KPNB1: variants seen among roughly 807,000 people sequenced by gnomAD.
The protein encoded by KPNB1 is karyopherin subunit beta 1.
A neutral mutation model predicts 113.0 loss-of-function variants in KPNB1; 7 were observed. That is an observed-to-expected ratio of 0.06 (90% CI 0.04 to 0.12). The LOEUF (loss-of-function observed/expected upper bound fraction) is 0.12, where lower values mean the gene tolerates loss of function less well. Among genes scored for constraint, KPNB1 ranks in the 10% least tolerant of loss-of-function variants. KPNB1 has a pLI of 1.00. For synonymous variants in KPNB1, 363 were observed against 378.6 expected (o/e 0.96, Z 0.48); for missense variants, 400 against 1,054.8 (o/e 0.38, Z 8.60).
At position 47,671,497 on chromosome 17, in the gene KPNB1, C is replaced by T. The variant is rs376122822; in HGVS notation, c.1547+665C>T. 1.2e-3 allele frequency among the ~76,000 whole-genome samples: 178 copies of T among 151,980 alleles called. 3 individuals carry two copies. The South Asian group carries it at 0.025, about 22-fold the overall frequency. On this transcript the variant is annotated intron_variant, in intron 12 of 21. Coordinates refer to ENST00000290158, the MANE Select transcript of KPNB1 (RefSeq NM_002265.6). ...GTACTCATTATGAATTTGATTGCCA[C>T]ACCAAATCAATAACTACCATTTTTA... is the stretch of plus-strand genomic sequence containing the variant.
At chr17:47,675,361 G>GGTTTT (rs2030566469) in intron 15 of KPNB1, among the ~76,000 whole-genome samples, 2 of 88,692 alleles carry the variant, frequency 2.3e-5, no homozygotes. Context: ...CAGAGGTGTT[G>GGTTTT]TTTTTTTTTT....
chr17:47,666,874 C>T (rs1372607350), intron 9 of KPNB1, among the ~76,000 whole-genome samples: 1 of 151,982 alleles, frequency 6.6e-6, no homozygotes, highest in African/African-American at 2.4e-5. Context: ...ACCTCAGTCT[C>T]CCAAAGTGCT....
At chr17:47,672,075 A>G (rs2030465769) in intron 12 of KPNB1, among the ~76,000 whole-genome samples, 1 of 151,348 alleles carries the variant, frequency 6.6e-6, no homozygotes, top group South Asian at 2.1e-4. Flanking sequence ...GCAATTGTGC[A>G]ATCTTGGCTC....
At chr17:47,679,880 G>A (rs1597941432) in intron 19 of KPNB1, 140 bp from the exon 20 acceptor site, 1 of 588,166 alleles carries the variant, frequency 1.7e-6, no homozygotes, top group East Asian at 2.9e-5. Flanking sequence ...TGTATTTTTA[G>A]TAGAGACGGG....
chr17:47,660,844 G>T (rs963341345), intron 5 of KPNB1, among the ~76,000 whole-genome samples: 3 of 152,122 alleles, frequency 2.0e-5, no homozygotes, highest in African/African-American at 7.2e-5. Context: ...ACATTTTTCT[G>T]TTTCCTCCCT....
At position 47,684,384 on chromosome 17, in the gene KPNB1, G is replaced by A. The variant is rs921356209; in HGVS notation, c.*1980G>A. The A allele has an allele frequency of 2.0e-5, 3 of 151,740 alleles. No homozygotes were observed. Among genetic ancestry groups the A allele is most frequent in the African/African-American group, 7.3e-5 (3 of 41,274 alleles). 9.4% of individuals were successfully genotyped at this position (151,740 alleles called of 1,614,324 possible). A position where few individuals can be genotyped will look rare whatever the true frequency, so the allele number is the denominator to read the frequency against. On this transcript the variant is annotated 3_prime_UTR_variant, in exon 22 of 22. Coordinates refer to ENST00000290158, the MANE Select transcript of KPNB1 (RefSeq NM_002265.6). ...AAATCCAGGTATTTGAAGGAGAGACGCTCCATTGTGAATAAAGAGCTCATA... is the reference window on the plus strand; with the variant it reads ...AAATCCAGGTATTTGAAGGAGAGACACTCCATTGTGAATAAAGAGCTCATA...
intron 3 of KPNB1, among the ~76,000 whole-genome samples, chr17:47,654,322 G>A (rs937220542): frequency 4.6e-5 from 7 of 151,640 alleles, no homozygotes; most frequent in Admixed American, 3.9e-4. Context: ...GGCTTAGGCA[G>A]GAGAATTGCT....
At chr17:47,672,186 A>G (rs185505943) in intron 12 of KPNB1, among the ~76,000 whole-genome samples, 1 of 152,036 alleles carries the variant, frequency 6.6e-6, no homozygotes, top group Admixed American at 6.6e-5. Context: ...TTGTATTTTT[A>G]GTAGAGATGG....
At chr17:47,667,913 T>C (rs1455450929) in intron 9 of KPNB1, among the ~76,000 whole-genome samples, 2 of 152,228 alleles carry the variant, frequency 1.3e-5, no homozygotes, top group African/African-American at 4.8e-5. Flanking sequence ...TTCTGTATTT[T>C]GTTCTAAATG....
intron 8 of KPNB1, 110 bp from the exon 9 acceptor site, chr17:47,664,947 C>T (rs2030222315): frequency 1.3e-6 from 1 of 789,318 alleles, no homozygotes; most frequent in Non-Finnish European, 2.2e-6. Context: ...TACCATTTGT[C>T]CTTGTATGTT....
At chr17:47,664,800 A>G (rs993752745) in intron 8 of KPNB1, among the ~76,000 whole-genome samples, 5 of 152,134 alleles carry the variant, frequency 3.3e-5, no homozygotes, top group Non-Finnish European at 7.4e-5. Flanking sequence ...ACACTGAAAT[A>G]TCAGGTTGTC....
chr17:47,683,710 CAACAAAACAAA>C lies in KPNB1; in HGVS notation c.*1314_*1324del, dbSNP rs1805017922. ...TCTCTTGCTGCACTTCAAAAGCAAC[CAACAAAACAAA>C]AACAAAAAAAAGTGTGTGTTGTGTG... On this transcript the variant is annotated 3_prime_UTR_variant, in exon 22 of 22. Coordinates refer to ENST00000290158, the MANE Select transcript of KPNB1 (RefSeq NM_002265.6). 1 of 100,154 alleles carries C rather than the reference CAACAAAACAAA, an allele frequency of 1.0e-5. No homozygotes were observed. Among genetic ancestry groups the C allele is most frequent in the Non-Finnish European group, 2.0e-5 (1 of 50,560 alleles). The allele number at this position is 100,154 out of a possible 1,614,324, so 6.2% of individuals were successfully genotyped here.
chr17:47,661,495 G>A (rs4580230), intron 6 of KPNB1, among the ~76,000 whole-genome samples: 72,041 of 151,890 alleles, frequency 0.47, 17,419 homozygotes, highest in African/African-American at 0.53. Flanking sequence ...CCAGCTGCTG[G>A]GGAGGCTGAG....
chr17:47,664,167 C>A lies in KPNB1; in HGVS notation c.795C>A (p.Ile265=), dbSNP rs1300167994. ...YMGPALFAIT[I]EAMKSDIDEV... is the part of the protein sequence containing the mutation. ...GTGTTTTTCTTCTTAAGATCACAAT[C>A]GAAGCAATGAAAAGTGACATTGATG... Residue 265 remains isoleucine, a synonymous_variant, in exon 8 of 22, where the codon ATC becomes ATA. Transcript: ENST00000290158. 2 of 1,609,890 alleles carry A rather than the reference C, an allele frequency of 1.2e-6. No individual in the cohort carries two copies. The highest frequency in any genetic ancestry group is 1.7e-6 in the Non-Finnish European group (2 of 1,176,468).
intron 20 of KPNB1, 144 bp downstream of exon 20, chr17:47,680,278 C>G: frequency 1.3e-6 from 1 of 754,758 alleles, no homozygotes; most frequent in Non-Finnish European, 2.2e-6. Flanking sequence ...GCTTCATGTC[C>G]TGTTTTGAGT....
Position 47,669,830 on chromosome 17 carries a change from T to C in KPNB1, c.1377T>C (p.Gly459=), listed in dbSNP as rs373754285. ...LAPLLQCLIE[G]LSAEPRVASN... The stretch of plus-strand genomic sequence containing the variant: ...CCCTGCTACAGTGTCTGATTGAGGG[T>C]CTCAGTGCTGAACCCAGAGTGGCTT... The change falls in exon 11 of 22, where the codon GGT becomes GGC. Residue 459 remains glycine (G), a synonymous_variant. Coordinates refer to ENST00000290158, the MANE Select transcript of KPNB1 (RefSeq NM_002265.6). The C allele has an allele frequency of 1.3e-5, 21 of 1,613,510 alleles. No individual in the cohort carries two copies. In the African/African-American group the frequency reaches 2.5e-4, roughly 19 times the overall value.
chr17:47,664,359 T>A (rs1473206670), intron 8 of KPNB1, 90 bp downstream of exon 8: 1 of 900,878 alleles, frequency 1.1e-6, no homozygotes, highest in African/African-American at 1.7e-5. Flanking sequence ...CTTTATTCTG[T>A]CTGGGTTTAG....
rs906252156 is a variant in KPNB1 at position 47,657,150 on chromosome 17, C to T, written c.483+90C>T. ...ATATTAGTACTACCTTATTGAATCA[C>T]GAAGAAAGCCAAGCTAAATTGCACA... On this transcript the variant is annotated intron_variant, in intron 4 of 21. Coordinates refer to ENST00000290158, the MANE Select transcript of KPNB1 (RefSeq NM_002265.6). 6.7e-5 allele frequency: 73 copies of T among 1,091,424 alleles called. 1 individual carries two copies. Among genetic ancestry groups the T allele is most frequent in the East Asian group, 1.3e-4 (5 of 38,794 alleles). The allele number at this position is 1,091,424 out of a possible 1,614,324, so 67.6% of individuals were successfully genotyped here.
rs1382402239 is a variant in KPNB1, at chr17:47,683,863, A to G, written c.*1459A>G. On this transcript the variant is annotated 3_prime_UTR_variant, in exon 22 of 22. Transcript: ENST00000290158. ...GGTGTCAAACGTCCCCTGGTCACAC[A>G]CTTGAATATTTTTTTAGAAGTGTGA... The G allele has an allele frequency of 6.6e-6, 1 of 152,446 alleles. No individual in the cohort carries two copies. The highest frequency in any genetic ancestry group is 1.5e-5 in the Non-Finnish European group (1 of 68,018). 9.4% of individuals were successfully genotyped at this position (152,446 alleles called of 1,614,324 possible).
Sources: gnomAD v4.1 joint callset for allele counts (sites outside exome capture counted in the v4.1 genomes callset) on GRCh38, gnomAD v4.1.1 for gene constraint, MANE v1.5 for transcripts, NCBI Gene and HGNC (gene_info 2026-07-23, HGNC 2026-07-21) for gene names.